The following RAPGEF6 variants were observed in gnomAD, a reference collection of about 807,000 sequenced individuals.
RAPGEF6 encodes the protein Rap guanine nucleotide exchange factor 6.
In RAPGEF6, 56 loss-of-function variants were observed where a neutral mutation model predicts 171.4. The ratio of observed to expected loss-of-function variants is 0.33; its 90% CI spans 0.26 to 0.41. The LOEUF (loss-of-function observed/expected upper bound fraction) is 0.41. RAPGEF6 is among the 10% of genes least tolerant of loss of function. The pLI is 1.00. For missense variants in RAPGEF6, 1,674 were observed against 1,921.4 expected (o/e 0.87, Z 2.41); for synonymous variants, 692 against 650.1 (o/e 1.06, Z -0.98).
At chr5:131,557,825 A>G (rs1401668254) in intron 5 of RAPGEF6, among the ~76,000 whole-genome samples, 1 of 152,136 alleles carries the variant, frequency 6.6e-6, no homozygotes, top group Non-Finnish European at 1.5e-5. Flanking sequence ...TTCAAATGCT[A>G]AATCAATTTG....
chr5:131,584,919 C>G (rs1409152940), intron 4 of RAPGEF6, among the ~76,000 whole-genome samples: 2 of 152,114 alleles, frequency 1.3e-5, no homozygotes, highest in Non-Finnish European at 2.9e-5. Context: ...TTTGTCTGTA[C>G]AGGTGGGCAG....
intron 3 of RAPGEF6, among the ~76,000 whole-genome samples, chr5:131,596,069 G>A (rs1329975823): frequency 2.0e-5 from 3 of 151,266 alleles, no homozygotes; most frequent in Admixed American, 6.6e-5. Flanking sequence ...CACAAGAATC[G>A]CTTGAACACA....
intron 4 of RAPGEF6, among the ~76,000 whole-genome samples, chr5:131,586,819 T>TAAATTA (rs1388448799): frequency 6.6e-6 from 1 of 152,182 alleles, no homozygotes; most frequent in Non-Finnish European, 1.5e-5. Flanking sequence ...GGTGGGTGTG[T>TAAATTA]AAATTAGTGC....
At chr5:131,434,152 A>C (rs6873300) in intron 24 of RAPGEF6, among the ~76,000 whole-genome samples, 13,386 of 152,186 alleles carry the variant, frequency 0.088, 1,289 homozygotes, top group African/African-American at 0.24. Flanking sequence ...AAAGAACTAC[A>C]TTTTTGCTTT....
At chr5:131,574,420 C>T (rs1762484414) in intron 4 of RAPGEF6, among the ~76,000 whole-genome samples, 1 of 152,070 alleles carries the variant, frequency 6.6e-6, no homozygotes, top group Admixed American at 6.6e-5. Flanking sequence ...AGGGTAAGTC[C>T]ATTCCCTGTT....
intron 25 of RAPGEF6, among the ~76,000 whole-genome samples, chr5:131,432,579 G>C (rs917761065): frequency 4.1e-4 from 62 of 151,860 alleles, no homozygotes; most frequent in Non-Finnish European, 5.3e-4. Context: ...GATCGCGCCA[G>C]TGCACTCCAG....
chr5:131,565,061 A>T (rs1461504505), intron 4 of RAPGEF6, among the ~76,000 whole-genome samples: 1 of 152,284 alleles, frequency 6.6e-6, no homozygotes, highest in East Asian at 1.9e-4. Context: ...TGAATTTATT[A>T]GCTGGGGGCA....
rs375752471 is a variant in RAPGEF6 at position 131,595,886 on chromosome 5, C to T, written c.198-3420G>A. On this transcript the variant is annotated intron_variant, in intron 3 of 27. Transcript: ENST00000509018. ...AAGGGACAGAGGTTGGGTGCAGTGG[C>T]TTATGCCTGTAATCCTAGCACTTTG... Among the ~76,000 whole-genome samples the T allele has an allele frequency of 6.0e-4, 91 of 152,268 alleles. 4 individuals carry two copies. The South Asian group carries it at 0.018, about 30-fold the overall frequency.
intron 1 of RAPGEF6, among the ~76,000 whole-genome samples, chr5:131,617,981 A>G (rs1473743979): frequency 1.3e-5 from 2 of 152,228 alleles, no homozygotes; most frequent in African/African-American, 4.8e-5. Flanking sequence ...CCACAACTGG[A>G]GCCCAGACTT....
chr5:131,512,243 G>GA (rs1757782444), intron 7 of RAPGEF6, among the ~76,000 whole-genome samples: 1 of 152,144 alleles, frequency 6.6e-6, no homozygotes, highest in African/African-American at 2.4e-5. Context: ...AAGCCGTACG[G>GA]AGCCAAAAGA....
intron 19 of RAPGEF6, among the ~76,000 whole-genome samples, chr5:131,457,845 T>C (rs893170120): frequency 2.0e-4 from 31 of 152,044 alleles, no homozygotes; most frequent in African/African-American, 6.8e-4. Context: ...ATAGACAAAA[T>C]AGAGAAATAG....
chr5:131,619,105 G>A (rs1291605058), intron 1 of RAPGEF6, among the ~76,000 whole-genome samples: 3 of 151,610 alleles, frequency 2.0e-5, no homozygotes, highest in South Asian at 2.1e-4. Context: ...CAAATGTAAC[G>A]TAACATACCT....
At position 131,439,636 on chromosome 5, in the gene RAPGEF6, C is replaced by T; in HGVS notation, c.3690G>A (p.Val1230=). 2 of 1,612,802 alleles carry T rather than the reference C, an allele frequency of 1.2e-6. No individual in the cohort carries two copies. Among genetic ancestry groups the T allele is most frequent in the Non-Finnish European group, 1.7e-6 (2 of 1,179,298 alleles). ...GKKHTEDTIS[V]ASSLHSSPPA... ...GAGGACTAGAATGTAAAGATGACGC[C>T]ACAGAAATAGTGTCTTCTGTATGCT... Residue 1230 remains valine (V), a synonymous_variant, in exon 24 of 28, where the codon GTG becomes GTA. Transcript: ENST00000509018.
At chr5:131,528,537 A>T (rs1759146790) in intron 6 of RAPGEF6, among the ~76,000 whole-genome samples, 1 of 151,600 alleles carries the variant, frequency 6.6e-6, no homozygotes, top group Non-Finnish European at 1.5e-5. Context: ...AGTTGGAAGG[A>T]TGTTTCTAAA....
intron 1 of RAPGEF6, among the ~76,000 whole-genome samples, chr5:131,614,697 A>C (rs57505395): frequency 0.027 from 4,056 of 152,266 alleles, 191 homozygotes; most frequent in African/African-American, 0.092. Context: ...CAACATACGC[A>C]ATGGACAGTA....
chr5:131,472,989 T>C (rs915717817), intron 16 of RAPGEF6: 11 of 442,038 alleles, frequency 2.5e-5, no homozygotes, highest in Non-Finnish European at 4.0e-5. Context: ...CTAATTAAAT[T>C]GTCTTATTTA....
chr5:131,452,206 C>T (rs1029212793), intron 21 of RAPGEF6, among the ~76,000 whole-genome samples: 9 of 126,682 alleles, frequency 7.1e-5, no homozygotes, highest in South Asian at 5.6e-4. Context: ...GGCGACAGAG[C>T]GAGACTCCGT....
chr5:131,572,312 G>A (rs1416819953), intron 4 of RAPGEF6, among the ~76,000 whole-genome samples: 4 of 152,078 alleles, frequency 2.6e-5, no homozygotes, highest in Non-Finnish European at 4.4e-5. Flanking sequence ...ATCGGTAAGC[G>A]GTTCTTCACA....
chr5:131,504,481 G>T, intron 11 of RAPGEF6, 145 bp downstream of exon 11: 1 of 874,240 alleles, frequency 1.1e-6, no homozygotes. Flanking sequence ...AAAAATTTTA[G>T]AGAAAGACAA....
Sources: allele counts gnomAD v4.1 joint callset (sites outside exome capture counted in the v4.1 genomes callset), GRCh38; gene constraint gnomAD v4.1.1; transcripts MANE v1.5; gene names NCBI Gene and HGNC (gene_info 2026-07-23, HGNC 2026-07-21).